STAB1: variants seen among roughly 807,000 people sequenced by gnomAD.
STAB1 encodes the protein stabilin 1, also known as stabilin-1.
A neutral mutation model predicts 332.4 loss-of-function variants in STAB1; 250 were observed. That is an observed-to-expected ratio of 0.75 (90% CI 0.68 to 0.84). The LOEUF (loss-of-function observed/expected upper bound fraction) is 0.84. STAB1 is among the 40% of genes least tolerant of loss of function. The pLI is 0.00. For missense variants in STAB1, 3,249 were observed against 3,489.7 expected, an observed-to-expected ratio of 0.93 and a Z score of 1.74; for synonymous variants, 1,475 against 1,390.4, an observed-to-expected ratio of 1.06 and a Z score of -1.35.
At chr3:52,511,587 A>C in intron 25 of STAB1, 63 bp from the exon 26 acceptor site, 1 of 1,469,758 alleles carries the variant, frequency 6.8e-7, no homozygotes, top group Non-Finnish European at 9.3e-7. Flanking sequence ...GAGCCAAGTA[A>C]TGGAGGAAGA....
At chr3:52,501,911 G>T (rs1301953781) in intron 3 of STAB1, 95 bp from the exon 4 acceptor site, 2 of 1,507,120 alleles carry the variant, frequency 1.3e-6, no homozygotes, top group Non-Finnish European at 1.8e-6. Context: ...TTGCTTCCTT[G>T]GGGGAGGGGC....
rs1392218797 is a variant in STAB1, at chr3:52,524,225, A to G, written c.7656+12A>G. ...GTGAACCCTTCGATGTAAGCATGGAAGTGAAGAAGTGTGGCAGATGTGGGA... is the reference window on the plus strand; with the variant it reads ...GTGAACCCTTCGATGTAAGCATGGAGGTGAAGAAGTGTGGCAGATGTGGGA... On this transcript the variant is annotated intron_variant, in intron 68 of 68. Coordinates refer to ENST00000321725, the MANE Select transcript of STAB1 (RefSeq NM_015136.3). The G allele has an allele frequency of 1.2e-6, 2 of 1,614,066 alleles. No homozygotes were observed. Among genetic ancestry groups the G allele is most frequent in the Non-Finnish European group, 1.7e-6 (2 of 1,180,008 alleles).
chr3:52,513,178 G>A lies in STAB1; in HGVS notation c.3207G>A (p.Leu1069=). ...GALFEEELAR[L]GGQEVATLNP... is the part of the protein sequence containing the mutation. ...TCTTCGAGGAGGAGCTGGCCCGGCT[G>A]GGTGGGCAGGAAGTGGCCACCCTGA... Residue 1069 remains leucine (L), a synonymous_variant, in exon 30 of 69, where the codon CTG becomes CTA. Transcript: ENST00000321725. The A allele has an allele frequency of 6.3e-7, 1 of 1,585,450 alleles. No individual in the cohort carries two copies. The highest frequency in any genetic ancestry group is 8.6e-7 in the Non-Finnish European group (1 of 1,166,474).
At chr3:52,518,076 A>G (rs2078935097) in intron 45 of STAB1, 73 bp downstream of exon 45, 1 of 1,540,322 alleles carries the variant, frequency 6.5e-7, no homozygotes, top group African/African-American at 1.4e-5. Context: ...GGTCTTGGCA[A>G]AGATCCGATT....
At chr3:52,508,056 G>T (rs757985480) in intron 20 of STAB1, 30 bp downstream of exon 20, 1 of 1,603,046 alleles carries the variant, frequency 6.2e-7, no homozygotes. Context: ...CCCACTCCCA[G>T]GTCACCTGGG....
chr3:52,510,341 T>C lies in STAB1; in HGVS notation c.2629-8T>C. On this transcript the variant is annotated splice_region_variant and splice_polypyrimidine_tract_variant and intron_variant, in intron 24 of 68. Coordinates refer to ENST00000321725, the MANE Select transcript of STAB1 (RefSeq NM_015136.3). ...TGTCCCTCAGTTATTTATCCATGGCTCTCACAGGCTGAGTGTGTCCCTGGG... is the reference window on the plus strand; with the variant it reads ...TGTCCCTCAGTTATTTATCCATGGCCCTCACAGGCTGAGTGTGTCCCTGGG... 6 of 1,613,902 alleles carry C rather than the reference T, an allele frequency of 3.7e-6. No individual in the cohort carries two copies. The highest frequency in any genetic ancestry group is 5.1e-6 in the Non-Finnish European group (6 of 1,179,906).
At chr3:52,506,385 A>G (rs531107636) in intron 17 of STAB1, 135 bp downstream of exon 17, 25 of 844,178 alleles carry the variant, frequency 3.0e-5, no homozygotes, top group Admixed American at 2.6e-4. Flanking sequence ...ATGGGGAAGG[A>G]AGCAGGCAGA....
intron 32 of STAB1, 37 bp from the exon 33 acceptor site, chr3:52,514,078 C>T: frequency 1.2e-6 from 2 of 1,609,280 alleles, no homozygotes; most frequent in Middle Eastern, 1.7e-4. Flanking sequence ...GGACTGACAA[C>T]TAATATGCCC....
Position 52,520,853 on chromosome 3 carries a change from C to T in STAB1, c.5756C>T (p.Pro1919Leu), listed in dbSNP as rs371409318. Residue 1919 changes from proline (P) to leucine (L), a missense_variant, in exon 55 of 69, where the codon CCT becomes CTT. Pro to Leu is a moderately conservative substitution (Grantham distance 98). Coordinates refer to ENST00000321725, the MANE Select transcript of STAB1 (RefSeq NM_015136.3). ...TTCTACCCGAAGTTCTGGACGTCCCCTCCGCTGCACTCTTTGGGATTACGC... is the reference window on the plus strand; with the variant it reads ...TTCTACCCGAAGTTCTGGACGTCCCTTCCGCTGCACTCTTTGGGATTACGC... ...WRFYPKFWTS[P>L]PLHSLGLRSV... 26 of 1,612,736 alleles carry T rather than the reference C, an allele frequency of 1.6e-5. No homozygotes were observed. The East Asian group carries it at 5.1e-4, about 32-fold the overall frequency.
chr3:52,504,361 CA>C (rs1256059818), intron 10 of STAB1, 99 bp from the exon 11 acceptor site: 2 of 1,406,658 alleles, frequency 1.4e-6, no homozygotes, highest in African/African-American at 2.8e-5. Context: ...AGAATACCCC[CA>C]CCCCAACTCC....
rs140507987 is a variant in STAB1, at chr3:52,523,670, G to T, written c.7309G>T (p.Val2437Phe). ...CCTGCAGGCCCCAGGGACAGTTGTG[G>T]TTAGCCGTATCATTGTGTGGGACAT... Reference protein sequence around the residue: ...WAPVAPGTVVVSRIIVWDIMA... With the variant: ...WAPVAPGTVVFSRIIVWDIMA... Residue 2437 changes from valine to phenylalanine, a missense_variant, in exon 66 of 69, where the codon GTT (valine) becomes TTT (phenylalanine). Transcript: ENST00000321725. The T allele has an allele frequency of 6.2e-7, 1 of 1,612,908 alleles. No homozygotes were observed. Among genetic ancestry groups the T allele is most frequent in the Non-Finnish European group, 8.5e-7 (1 of 1,179,974 alleles).
Position 52,516,469 on chromosome 3 carries a change from G to C in STAB1, c.4240+18G>C. 1 of 1,613,524 alleles carries C rather than the reference G, an allele frequency of 6.2e-7. No individual in the cohort carries two copies. Among genetic ancestry groups the C allele is most frequent in the Non-Finnish European group, 8.5e-7 (1 of 1,179,894 alleles). On this transcript the variant is annotated intron_variant, in intron 39 of 68. Coordinates refer to ENST00000321725, the MANE Select transcript of STAB1 (RefSeq NM_015136.3). ...TGACCAGAGTGAGTGGGTCCCAATG[G>C]GGAGGGGGCAGGTGGCTACTGAGGA...
rs143360465 is a variant in STAB1 at position 52,524,210 on chromosome 3, C to T, written c.7653C>T (p.Phe2551=). 765 of 1,614,090 alleles carry T rather than the reference C, an allele frequency of 4.7e-4. 11 individuals are homozygous for T. The highest frequency in any genetic ancestry group is 3.4e-4 in the South Asian group (31 of 91,090). ...GCAGCGACACCTTTTGTGAACCCTTCGATGTAAGCATGGAAGTGAAGAAGT... is the reference window on the plus strand; with the variant it reads ...GCAGCGACACCTTTTGTGAACCCTTTGATGTAAGCATGGAAGTGAAGAAGT... The part of the protein sequence containing the change: ...VFGSDTFCEP[F]DDSLLEEDFP... Residue 2551 remains phenylalanine (F), a synonymous_variant, in exon 68 of 69, where the codon TTC becomes TTT. Coordinates refer to ENST00000321725, the MANE Select transcript of STAB1 (RefSeq NM_015136.3).
At position 52,511,727 on chromosome 3, in the gene STAB1, T is replaced by C. The variant is rs1575331997; in HGVS notation, c.2865T>C (p.Asn955=). The change falls in exon 26 of 69, where the codon AAT becomes AAC. Residue 955 remains asparagine (N), a synonymous_variant. Transcript: ENST00000321725. ...CSPIDPCRAG[N]GGCHGLATCR... is the part of the protein sequence containing the mutation. ...CCATCGACCCCTGCCGGGCAGGCAA[T>C]GGCGGCTGCCACGGCCTGGTAAGGG... 4.4e-6 allele frequency: 7 copies of C among 1,593,954 alleles called. No homozygotes were observed. In the East Asian group the frequency reaches 1.6e-4, roughly 36 times the overall value.
At chr3:52,515,075 C>T (rs1283717981) in intron 36 of STAB1, 30 bp downstream of exon 36, 3 of 1,610,182 alleles carry the variant, frequency 1.9e-6, no homozygotes, top group Non-Finnish European at 2.5e-6. Flanking sequence ...AGCTCTGTCC[C>T]TGTGTTGCCT....
rs1287794938 is a variant in STAB1 at position 52,499,907 on chromosome 3, A to AAT, written c.79-1258_79-1257insTA. 2.0e-5 allele frequency among the ~76,000 whole-genome samples: 3 copies of AAT among 146,422 alleles called. No homozygotes were observed. The South Asian group carries it at 6.8e-4, about 33-fold the overall frequency. On this transcript the variant is annotated intron_variant, in intron 1 of 68. Transcript: ENST00000321725. ...GAGCGAGACTCCATCTCAAAAAAAA[A>AAT]AAAAAAAAAAAAAAAACTGGCCAGG...
intron 1 of STAB1, 26 bp downstream of exon 1, chr3:52,495,517 A>C (rs1488474304): frequency 7.6e-7 from 1 of 1,310,966 alleles, no homozygotes; most frequent in Non-Finnish European, 9.8e-7. Context: ...TCGCAGGGGC[A>C]CACGGCGTCT....
intron 57 of STAB1, 30 bp from the exon 58 acceptor site, chr3:52,521,814 T>C (rs2079080843): frequency 6.3e-7 from 1 of 1,593,472 alleles, no homozygotes; most frequent in Non-Finnish European, 8.6e-7. Flanking sequence ...ACTACTAACC[T>C]GGTTCTGGGG....
At chr3:52,501,881 A>C (rs1708473491) in intron 3 of STAB1, 125 bp from the exon 4 acceptor site, 1 of 1,410,152 alleles carries the variant, frequency 7.1e-7, no homozygotes, top group Non-Finnish European at 9.8e-7. Context: ...GAGCGCCTCC[A>C]AGGCTCGGCC....
Sources: allele counts gnomAD v4.1 joint callset (sites outside exome capture counted in the v4.1 genomes callset), GRCh38; gene constraint gnomAD v4.1.1; transcripts MANE v1.5; gene names NCBI Gene and HGNC (gene_info 2026-07-23, HGNC 2026-07-21).